Variants in CDKN2B-AS1 observed in about 807,000 individuals in gnomAD.
CDKN2B-AS1 encodes CDKN2B and CDKN2A antisense cis and trans regulatory RNA 1.
chr9:22,069,329 A>G (rs1824193593), intron 4 of CDKN2B-AS1, among the ~76,000 whole-genome samples: 1 of 124,074 alleles, frequency 8.1e-6, no homozygotes, highest in African/African-American at 3.5e-5. Flanking sequence ...ACAAATTCAC[A>G]AAGTACATAG....
In CDKN2B-AS1 at chr9:22,005,862, GACAGGCTTGCAGGCTTAC is replaced by G; in HGVS notation, n.29+10703_29+10720del. The G allele has an allele frequency of 7.5e-7, 1 of 1,326,772 alleles. No homozygotes were observed. The highest frequency in any genetic ancestry group is 1.0e-6 in the Non-Finnish European group (1 of 959,856). 82.2% of individuals were successfully genotyped at this position (1,326,772 alleles called of 1,614,324 possible). On this transcript the variant is annotated intron_variant and non_coding_transcript_variant, in intron 1 of 4. Transcript: ENST00000650946. The surrounding 1 kb of genome is among the most constrained non-coding windows in gnomAD (Gnocchi z 4.9). ...CGGCTCCTCCTTCCTGTGAGTCTCAGACAGGCTTGCAGGCTTACAGGCTTTCCGCCGCTCCCCGTTGGC... is the reference window on the plus strand; with the variant it reads ...CGGCTCCTCCTTCCTGTGAGTCTCAGAGGCTTTCCGCCGCTCCCCGTTGGC...
At chr9:22,016,408 A>G (rs1821761390) in intron 1 of CDKN2B-AS1, among the ~76,000 whole-genome samples, 1 of 152,220 alleles carries the variant, frequency 6.6e-6, no homozygotes, top group South Asian at 2.1e-4. Flanking sequence ...ATCCCCATCA[A>G]GCTGCCAATG....
intron 4 of CDKN2B-AS1, among the ~76,000 whole-genome samples, chr9:22,109,390 T>C (rs1165860909): frequency 6.6e-6 from 1 of 152,214 alleles, no homozygotes; most frequent in Admixed American, 6.5e-5. Context: ...AATAAATCGC[T>C]GTCTCCCCTG....
At chr9:22,097,226 A>G (rs1825314517) in intron 4 of CDKN2B-AS1, 1 of 152,200 alleles carries the variant, frequency 6.6e-6, no homozygotes, top group African/African-American at 2.4e-5. Flanking sequence ...AGCCCATTGG[A>G]TTTCCCCTAA....
At chr9:22,029,643 G>A (rs1254033359) in intron 1 of CDKN2B-AS1, 1 of 550,830 alleles carries the variant, frequency 1.8e-6, no homozygotes, top group Non-Finnish European at 3.3e-6. Flanking sequence ...TGTGATAAAA[G>A]AAGAGCCTTG....
Position 22,000,115 on chromosome 9 carries a change from C to G in CDKN2B-AS1, n.29+4954C>G, listed in dbSNP as rs1376141740. ...ACCACAGGAATATTGGGGCTCAAAC[C>G]TAGAGATTCTAATTTTGTAGACCTG... On this transcript the variant is annotated intron_variant and non_coding_transcript_variant, in intron 1 of 4. Coordinates refer to ENST00000650946, the Ensembl canonical transcript of CDKN2B-AS1. The surrounding 1 kb of genome is among the most constrained non-coding windows in gnomAD (Gnocchi z 4.1). Among the ~76,000 whole-genome samples, 4 of 152,052 alleles carry G rather than the reference C, an allele frequency of 2.6e-5. No homozygotes were observed. The highest frequency in any genetic ancestry group is 6.5e-5 in the Admixed American group (1 of 15,270).
chr9:22,086,292 C>T (rs1824866059), intron 4 of CDKN2B-AS1, among the ~76,000 whole-genome samples: 2 of 152,050 alleles, frequency 1.3e-5, no homozygotes, highest in Non-Finnish European at 2.9e-5. Context: ...TTATTCTGCT[C>T]CTTTTGGAGT....
chr9:22,008,682 C>G, intron 1 of CDKN2B-AS1: 1 of 1,609,582 alleles, frequency 6.2e-7, no homozygotes, highest in Non-Finnish European at 8.5e-7. Context: ...CACCTCCGGC[C>G]AACGGAGACT....
At chr9:22,081,945 C>A (rs890559010) in intron 4 of CDKN2B-AS1, among the ~76,000 whole-genome samples, 5 of 152,152 alleles carry the variant, frequency 3.3e-5, no homozygotes, top group African/African-American at 1.2e-4. Context: ...TTCATATACC[C>A]CCAGCCTGTG....
At chr9:22,107,881 T>C (rs570213903) in intron 4 of CDKN2B-AS1, among the ~76,000 whole-genome samples, 58 of 152,172 alleles carry the variant, frequency 3.8e-4, no homozygotes, top group African/African-American at 1.4e-3. Context: ...AGAAGGAATG[T>C]ATTAGGTAAG....
chr9:22,083,129 T>C (rs919635171), intron 4 of CDKN2B-AS1, among the ~76,000 whole-genome samples: 2 of 152,218 alleles, frequency 1.3e-5, no homozygotes, highest in Non-Finnish European at 2.9e-5. Context: ...TATACGTATG[T>C]TATCCCATCT....
intron 4 of CDKN2B-AS1, among the ~76,000 whole-genome samples, chr9:22,062,747 G>C (rs1823872518): frequency 6.6e-6 from 1 of 151,612 alleles, no homozygotes; most frequent in Non-Finnish European, 1.5e-5. Context: ...GGGTAATATT[G>C]TGTAGTTTTT....
chr9:22,107,606 A>T (rs1825694005), intron 4 of CDKN2B-AS1, among the ~76,000 whole-genome samples: 1 of 152,152 alleles, frequency 6.6e-6, no homozygotes, highest in Non-Finnish European at 1.5e-5. Flanking sequence ...TTCCTTCCAC[A>T]TCAGGGGCCT....
chr9:22,112,734 T>C (rs1323207309), intron 4 of CDKN2B-AS1, among the ~76,000 whole-genome samples: 7 of 152,190 alleles, frequency 4.6e-5, no homozygotes, highest in African/African-American at 1.7e-4. Context: ...TTTAATCTTA[T>C]AATAATTTCT....
intron 4 of CDKN2B-AS1, among the ~76,000 whole-genome samples, chr9:22,123,849 C>T (rs762567650): frequency 1.3e-5 from 2 of 152,034 alleles, no homozygotes; most frequent in South Asian, 2.1e-4. Context: ...CTACAATGAG[C>T]GTAAACAATG....
At chr9:22,060,347 G>A (rs1823763689) in intron 4 of CDKN2B-AS1, among the ~76,000 whole-genome samples, 1 of 152,104 alleles carries the variant, frequency 6.6e-6, no homozygotes, top group East Asian at 1.9e-4. Flanking sequence ...AATCTCTAGG[G>A]CAGAGGCAAA....
In CDKN2B-AS1 at chr9:21,999,773, A is replaced by C. The variant is rs138645657; in HGVS notation, n.29+4612A>C. Among the ~76,000 whole-genome samples, 6 of 152,246 alleles carry C rather than the reference A, an allele frequency of 3.9e-5. No individual in the cohort carries two copies. Among genetic ancestry groups the C allele is most frequent in the Non-Finnish European group, 7.4e-5 (5 of 67,980 alleles). ...TTAGGGCTCATTCATAAAATAATAA[A>C]ACTGTGCATCCATAAACAATAATGA... On this transcript the variant is annotated intron_variant and non_coding_transcript_variant, in intron 1 of 4. Transcript: ENST00000650946. The surrounding 1 kb of genome is among the most constrained non-coding windows in gnomAD (Gnocchi z 4.7).
intron 4 of CDKN2B-AS1, among the ~76,000 whole-genome samples, chr9:22,098,163 G>C (rs1587529352): frequency 7.3e-6 from 1 of 136,586 alleles, no homozygotes; most frequent in African/African-American, 3.4e-5. Flanking sequence ...GTCTCTGTGT[G>C]TGTGTGTGTG....
At chr9:22,089,107 C>T (rs72652428) in intron 4 of CDKN2B-AS1, among the ~76,000 whole-genome samples, 1 of 152,080 alleles carries the variant, frequency 6.6e-6, no homozygotes, top group Non-Finnish European at 1.5e-5. Context: ...TTTTTCTAGC[C>T]AAATAATTTT....
Sources: gnomAD v4.1 joint callset for allele counts (sites outside exome capture counted in the v4.1 genomes callset) on GRCh38, gnomAD v4.1.1 for gene constraint, Gnocchi (gnomAD v3.1) non-coding constraint, MANE v1.5 for transcripts, NCBI Gene and HGNC (gene_info 2026-07-23, HGNC 2026-07-21) for gene names.